COL6A2: variants seen among roughly 807,000 people sequenced by gnomAD.
The protein encoded by COL6A2 is collagen alpha-2(VI) chain.
Under a neutral mutation model 124.9 loss-of-function variants are expected in COL6A2, and 90 were observed. The observed-to-expected ratio is 0.72, with a 90% CI of 0.61 to 0.86. COL6A2 has a LOEUF of 0.86. Among genes scored for constraint, COL6A2 ranks in the 40% least tolerant of loss-of-function variants. The pLI, the probability that COL6A2 is intolerant of heterozygous loss-of-function variation, is 0.00. For synonymous variants in COL6A2, 793 were observed against 618.2 expected, an observed-to-expected ratio of 1.28 and a Z score of -4.19; for missense variants, 1,607 against 1,502.5, an observed-to-expected ratio of 1.07 and a Z score of -1.15.
At position 46,125,969 on chromosome 21, in the gene COL6A2, C is replaced by T. The variant is rs1345626063; in HGVS notation, c.2154C>T (p.Ser718=). The part of the protein sequence containing the change: ...KFAYDRLIKE[S]RRQKTRVFAV... Reference sequence around the variant, plus strand: ...CCTACGACCGCCTCATCAAGGAGAGCCGGCGCCAGAAGACACGTGTGTTTG... The same window carrying T: ...CCTACGACCGCCTCATCAAGGAGAGTCGGCGCCAGAAGACACGTGTGTTTG... Residue 718 remains serine, a synonymous_variant, in exon 26 of 28, where the codon AGC becomes AGT. Coordinates refer to ENST00000300527, the MANE Select transcript of COL6A2 (RefSeq NM_001849.4). The T allele has an allele frequency of 1.9e-6, 3 of 1,613,142 alleles. No homozygotes were observed. The highest frequency in any genetic ancestry group is 1.7e-5 in the Admixed American group (1 of 60,022).
intron 1 of COL6A2, among the ~76,000 whole-genome samples, 174 bp downstream of exon 1, chr21:46,098,347 G>A (rs2078248483): frequency 6.6e-6 from 1 of 151,934 alleles, no homozygotes. Context: ...CGCGGGGCTG[G>A]GGCCGCGCCT....
intron 25 of COL6A2, 23 bp from the exon 26 acceptor site, chr21:46,125,762 G>A (rs78764604): frequency 7.5e-6 from 12 of 1,608,442 alleles, no homozygotes; most frequent in Middle Eastern, 3.3e-4. Flanking sequence ...CTCTGGCAAC[G>A]ACCTCACGCG....
At chr21:46,103,266 G>T (rs897038021) in intron 1 of COL6A2, among the ~76,000 whole-genome samples, 1 of 152,032 alleles carries the variant, frequency 6.6e-6, no homozygotes, top group Non-Finnish European at 1.5e-5. Context: ...TAGTAGCAAT[G>T]TTGCCACTTT....
intron 21 of COL6A2, 92 bp downstream of exon 21, chr21:46,123,029 C>T (rs935157849): frequency 7.0e-5 from 88 of 1,260,968 alleles, no homozygotes; most frequent in Admixed American, 3.3e-4. Context: ...TACAGGAGAA[C>T]GCCAGGCAGC....
Position 46,116,926 on chromosome 21 carries a change from T to TACACACACACACACACACACACAC in COL6A2, c.999+119_999+142dup, listed in dbSNP as rs59060956. 4.7e-6 allele frequency: 3 copies of TACACACACACACACACACACACAC among 639,232 alleles called. No individual in the cohort carries two copies. Among genetic ancestry groups the TACACACACACACACACACACACAC allele is most frequent in the African/African-American group, 1.8e-5 (1 of 54,454 alleles). The allele number at this position is 639,232 out of a possible 1,614,324, so 39.6% of individuals were successfully genotyped here. ...CAGCTTACACATGTGTACACACGCATACACACACACACACACACACACACA... is the reference window on the plus strand; with the variant it reads ...CAGCTTACACATGTGTACACACGCATACACACACACACACACACACACACACACACACACACACACACACACACA... On this transcript the variant is annotated intron_variant, in intron 10 of 27. Coordinates refer to ENST00000300527, the MANE Select transcript of COL6A2 (RefSeq NM_001849.4). The surrounding 1 kb of genome is among the most constrained non-coding windows in gnomAD (Gnocchi z 4.6).
rs571848560 is a variant in COL6A2, at chr21:46,116,083, C to T, written c.900+30C>T. ...GTGACCTCGGCCAGGGGCTTGGCTC[C>T]ACCCTGAGGCCCCAGCACTGCCAGG... On this transcript the variant is annotated intron_variant, in intron 7 of 27. Coordinates refer to ENST00000300527, the MANE Select transcript of COL6A2 (RefSeq NM_001849.4). The surrounding 1 kb of genome is among the most constrained non-coding windows in gnomAD (Gnocchi z 4.6). 1 of 1,556,264 alleles carries T rather than the reference C, an allele frequency of 6.4e-7. No individual in the cohort carries two copies. The highest frequency in any genetic ancestry group is 1.9e-5 in the Admixed American group (1 of 51,842).
At chr21:46,122,376 G>A (rs780038719) in intron 19 of COL6A2, 120 bp from the exon 20 acceptor site, 14 of 1,388,222 alleles carry the variant, frequency 1.0e-5, no homozygotes, top group African/African-American at 2.8e-5. Flanking sequence ...GCAGCACAGT[G>A]GCCTCACCCA....
chr21:46,131,987 T>TG lies in COL6A2; in HGVS notation c.2497dup (p.Asp833GlyfsTer14). On this transcript the variant is annotated frameshift_variant, in exon 28 of 28. Transcript: ENST00000300527. LOFTEE classifies it high-confidence loss of function. Reference sequence around the variant, plus strand: ...GTGGCACAGTGCACGCAGCGGCCCGTGGACATCGTCTTCCTGCTGGACGGC... The same window carrying TG: ...GTGGCACAGTGCACGCAGCGGCCCGTGGGACATCGTCTTCCTGCTGGACGGC... 1 of 1,609,856 alleles carries TG rather than the reference T, an allele frequency of 6.2e-7. No homozygotes were observed. Among genetic ancestry groups the TG allele is most frequent in the Non-Finnish European group, 8.5e-7 (1 of 1,179,310 alleles).
intron 21 of COL6A2, among the ~76,000 whole-genome samples, chr21:46,123,910 G>GGTGAGTCA (rs1568937204): frequency 2.1e-5 from 3 of 143,446 alleles, no homozygotes; most frequent in Non-Finnish European, 4.5e-5. Flanking sequence ...TGGATGGGTG[G>GGTGAGTCA]GTGGATAGAG....
chr21:46,129,988 C>T (rs1168428117), intron 27 of COL6A2, among the ~76,000 whole-genome samples: 1 of 152,128 alleles, frequency 6.6e-6, no homozygotes, highest in Non-Finnish European at 1.5e-5. Context: ...AGCGGAGCCT[C>T]GGAAACAGGC....
At chr21:46,098,650 C>A (rs938083919) in intron 1 of COL6A2, 2 of 147,224 alleles carry the variant, frequency 1.4e-5, no homozygotes, top group African/African-American at 5.0e-5. Flanking sequence ...GAAGGGGCGG[C>A]GGGGCGGGGG....
At chr21:46,102,661 GT>G (rs1281131549) in intron 1 of COL6A2, among the ~76,000 whole-genome samples, 3 of 149,504 alleles carry the variant, frequency 2.0e-5, no homozygotes, top group East Asian at 3.9e-4. Flanking sequence ...TCATGTGTGA[GT>G]TTTTTTTCCT....
chr21:46,120,319 C>T (rs960092315), intron 15 of COL6A2, among the ~76,000 whole-genome samples, 196 bp from the exon 16 acceptor site: 20 of 152,278 alleles, frequency 1.3e-4, no homozygotes, highest in South Asian at 4.1e-4. Context: ...CGAGAGACAC[C>T]GTGCTCAGAG....
intron 27 of COL6A2, chr21:46,129,557 G>T: frequency 6.8e-7 from 1 of 1,477,490 alleles, no homozygotes; most frequent in Non-Finnish European, 8.9e-7. Context: ...GGCTGCCCCC[G>T]ACAGGCTGGC....
Position 46,122,165 on chromosome 21 carries a change from C to T in COL6A2, c.1572+7C>T, listed in dbSNP as rs774390943. 6.2e-7 allele frequency: 1 copy of T among 1,612,376 alleles called. No homozygotes were observed. The highest frequency in any genetic ancestry group is 1.1e-5 in the South Asian group (1 of 90,936). On this transcript the variant is annotated splice_region_variant and intron_variant, in intron 19 of 27. Coordinates refer to ENST00000300527, the MANE Select transcript of COL6A2 (RefSeq NM_001849.4). ...AGGACCCCGAGGAGCACCCGTGAGT[C>T]ACAGCCTGGGATGGCAGCTCCCAGG... is the stretch of plus-strand genomic sequence containing the variant.
In COL6A2 at chr21:46,126,058, G is replaced by A. The variant is rs200072495; in HGVS notation, c.2243G>A (p.Cys748Tyr). 69 of 1,612,898 alleles carry A rather than the reference G, an allele frequency of 4.3e-5. No individual in the cohort carries two copies. The highest frequency in any genetic ancestry group is 3.4e-5 in the Non-Finnish European group (40 of 1,180,012). ...GATGACCTCAACTTGCGGGCGCTGT[G>A]CGACCGCGACGTCACAGTGACGGCC... ...RDDDLNLRALCDRDVTVTAIG... is the reference protein window; with the variant it reads ...RDDDLNLRALYDRDVTVTAIG... The change falls in exon 26 of 28, where the codon TGC becomes TAC. Residue 748 changes from cysteine (C) to tyrosine (Y), a missense_variant. Transcript: ENST00000300527.
At chr21:46,121,209 CTGT>C (rs1010682146) in intron 17 of COL6A2, 86 bp downstream of exon 17, 1 of 1,346,276 alleles carries the variant, frequency 7.4e-7, no homozygotes, top group Non-Finnish European at 1.1e-6. Flanking sequence ...GAGCTAGCCA[CTGT>C]CCCCATAGCA....
At chr21:46,131,194 C>G (rs149835480) in intron 27 of COL6A2, among the ~76,000 whole-genome samples, 10 of 152,252 alleles carry the variant, frequency 6.6e-5, no homozygotes, top group Non-Finnish European at 1.2e-4. Flanking sequence ...GCCAGGTCCA[C>G]GCAAGGACTG....
intron 15 of COL6A2, among the ~76,000 whole-genome samples, chr21:46,120,122 G>GGCCCCCACTGAGGCACCGCTCACCCCCCA (rs2078538537): frequency 6.2e-5 from 1 of 16,030 alleles, no homozygotes; most frequent in Admixed American, 8.2e-4. Context: ...CACACCCCCC[G>GGCCCCCACTGAGGCACCGCTCACCCCCCA]GCCCCCACTG....
Sources: gnomAD v4.1 joint callset for allele counts (sites outside exome capture counted in the v4.1 genomes callset) on GRCh38, gnomAD v4.1.1 for gene constraint, Gnocchi (gnomAD v3.1) non-coding constraint, MANE v1.5 for transcripts, NCBI Gene and HGNC (gene_info 2026-07-23, HGNC 2026-07-21) for gene names.